Variants in ARHGEF3 observed in about 807,000 individuals in gnomAD.
The protein encoded by ARHGEF3 is 59.8 kDA protein.
ARHGEF3 carries 28 observed loss-of-function variants against 63.2 expected under a neutral mutation model. That is an observed-to-expected ratio of 0.44 (90% CI 0.33 to 0.61). The LOEUF is 0.61. Ranked by LOEUF, ARHGEF3 falls within the 20% of genes least tolerant of loss-of-function variation. The pLI, the probability that ARHGEF3 is intolerant of heterozygous loss-of-function variation, is 0.03. For missense variants in ARHGEF3, 533 were observed against 659.3 expected (o/e 0.81, Z 2.10); for synonymous variants, 266 against 254.2 (o/e 1.05, Z -0.44).
At chr3:56,809,948 G>T (rs1179567795) in intron 4 of ARHGEF3, among the ~76,000 whole-genome samples, 4 of 152,118 alleles carry the variant, frequency 2.6e-5, no homozygotes, top group African/African-American at 9.6e-5. Flanking sequence ...GGTCAGGCTG[G>T]TCTCGAACTC....
intron 4 of ARHGEF3, among the ~76,000 whole-genome samples, chr3:56,871,002 A>G (rs982377265): frequency 3.3e-5 from 5 of 152,142 alleles, no homozygotes; most frequent in African/African-American, 1.2e-4. Flanking sequence ...AGCCATCACA[A>G]ACTAATTTTT....
chr3:56,891,341 CT>C (rs146940929), intron 3 of ARHGEF3, among the ~76,000 whole-genome samples: 40,382 of 140,440 alleles, frequency 0.29, 6,101 homozygotes, highest in Non-Finnish European at 0.37. Flanking sequence ...TAGTACACTG[CT>C]TTTTTTTTTT....
At chr3:56,879,793 C>T (rs1341241006) in intron 4 of ARHGEF3, among the ~76,000 whole-genome samples, 1 of 152,158 alleles carries the variant, frequency 6.6e-6, no homozygotes, top group South Asian at 2.1e-4. Context: ...CTTTGAGTAG[C>T]CCACAGAGGC....
chr3:56,935,233 CTT>C (rs1156688239), intron 3 of ARHGEF3, among the ~76,000 whole-genome samples: 1 of 152,156 alleles, frequency 6.6e-6, no homozygotes. Flanking sequence ...CTTGGAGAAC[CTT>C]TGTGTCCACA....
intron 3 of ARHGEF3, among the ~76,000 whole-genome samples, chr3:56,892,137 C>T (rs2041144157): frequency 1.3e-5 from 2 of 152,116 alleles, no homozygotes; most frequent in African/African-American, 2.4e-5. Flanking sequence ...ATTCAACAAA[C>T]ATTTACAAAC....
At chr3:56,759,247 G>A (rs1293122347) in intron 2 of ARHGEF3, among the ~76,000 whole-genome samples, 2 of 144,060 alleles carry the variant, frequency 1.4e-5, no homozygotes, top group African/African-American at 5.1e-5. Context: ...GCACGATCTC[G>A]GCTCACTGCA....
At chr3:56,826,939 A>T (rs903389901) in intron 4 of ARHGEF3, among the ~76,000 whole-genome samples, 2 of 152,140 alleles carry the variant, frequency 1.3e-5, no homozygotes, top group Admixed American at 6.5e-5. Context: ...TTTATTTTTT[A>T]ATTTTTTTTC....
At chr3:56,941,186 C>T (rs1424172763) in intron 3 of ARHGEF3, 1 of 152,436 alleles carries the variant, frequency 6.6e-6, no homozygotes, top group Non-Finnish European at 1.5e-5. Flanking sequence ...CAGATTTCAT[C>T]AGTCCCCAGA....
rs973094687 is a variant in ARHGEF3, at chr3:56,830,654, C to T, written c.192+51638G>A. 3.3e-5 allele frequency among the ~76,000 whole-genome samples: 5 copies of T among 152,180 alleles called. No individual in the cohort carries two copies. The East Asian group carries it at 5.8e-4, about 18-fold the overall frequency. On this transcript the variant is annotated intron_variant, in intron 4 of 12. Coordinates refer to the ARHGEF3 transcript ENST00000338458. ...CTCACCACAACTGGATGAGGCCCTG[C>T]GGGATCTGGTGCTGTTCGCCTCTCA...
rs560625774 is a variant in ARHGEF3, at chr3:56,737,461, ACT to A, written c.871-108_871-107del. The A allele has an allele frequency of 2.6e-4, 215 of 834,860 alleles. 4 individuals are homozygous for A. In the South Asian group the frequency reaches 4.6e-3, roughly 18 times the overall value. The allele number at this position is 834,860 out of a possible 1,614,324, so 51.7% of individuals were successfully genotyped here. On this transcript the variant is annotated intron_variant, in intron 7 of 9. Coordinates refer to ENST00000296315, the MANE Select transcript of ARHGEF3 (RefSeq NM_019555.3). ...GGACACCAGGACACACCTGGATCTA[ACT>A]CTGTTATCTAAGTTGCTACTTTGGG...
chr3:56,810,265 T>C (rs989215005), intron 4 of ARHGEF3, among the ~76,000 whole-genome samples: 2 of 152,188 alleles, frequency 1.3e-5, no homozygotes, highest in South Asian at 4.1e-4. Flanking sequence ...TAAAATAGGC[T>C]GGGTGTGGTG....
intron 2 of ARHGEF3, among the ~76,000 whole-genome samples, chr3:57,031,343 C>A (rs1439475503): frequency 1.3e-5 from 2 of 152,152 alleles, no homozygotes; most frequent in East Asian, 1.9e-4. Context: ...ACAGAAAAGT[C>A]TTTCTAGGTT....
intron 2 of ARHGEF3, among the ~76,000 whole-genome samples, chr3:57,016,410 G>C (rs991852463): frequency 6.6e-6 from 1 of 151,712 alleles, no homozygotes; most frequent in South Asian, 2.1e-4. Flanking sequence ...TTAGCTGGGC[G>C]TGATGGTGGG....
chr3:56,812,340 G>A (rs1334642055), intron 4 of ARHGEF3, among the ~76,000 whole-genome samples: 1 of 152,170 alleles, frequency 6.6e-6, no homozygotes, highest in Non-Finnish European at 1.5e-5. Context: ...GGCTCCTACA[G>A]TGTTAGACTG....
At chr3:56,915,793 C>A (rs1036935957) in intron 3 of ARHGEF3, among the ~76,000 whole-genome samples, 1 of 152,168 alleles carries the variant, frequency 6.6e-6, no homozygotes, top group Admixed American at 6.5e-5. Context: ...CCAGCATGAA[C>A]TTCTAAAACT....
upstream of ARHGEF3, chr3:56,802,100 G>A: frequency 1.0e-6 from 1 of 956,002 alleles, no homozygotes; most frequent in Non-Finnish European, 1.4e-6. Context: ...GGCGTGGGGC[G>A]GTCCCGCGGG....
intron 3 of ARHGEF3, among the ~76,000 whole-genome samples, chr3:56,906,975 A>ATTTTTTTTT (rs368006965): frequency 5.5e-5 from 4 of 72,370 alleles, no homozygotes; most frequent in Non-Finnish European, 7.9e-5. Context: ...CTCACATTCT[A>ATTTTTTTTT]TTTTTTTTTT....
At chr3:56,910,045 T>C (rs1391428336) in intron 3 of ARHGEF3, among the ~76,000 whole-genome samples, 2 of 152,098 alleles carry the variant, frequency 1.3e-5, no homozygotes, top group Admixed American at 1.3e-4. Context: ...CTTGCGCACT[T>C]ATAAGCATAA....
chr3:56,817,018 T>C (rs1033114185), intron 4 of ARHGEF3, among the ~76,000 whole-genome samples: 2 of 152,194 alleles, frequency 1.3e-5, no homozygotes, highest in African/African-American at 4.8e-5. Flanking sequence ...CTCACTCAAG[T>C]CCTTGTCAGG....
Sources: allele counts gnomAD v4.1 joint callset (sites outside exome capture counted in the v4.1 genomes callset), GRCh38; gene constraint gnomAD v4.1.1; transcripts MANE v1.5; gene names NCBI Gene and HGNC (gene_info 2026-07-23, HGNC 2026-07-21).